The following PRKG1 variants were observed in gnomAD, a reference collection of about 807,000 sequenced individuals.
PRKG1 encodes the protein protein kinase cGMP-dependent 1.
Under a neutral mutation model 88.1 loss-of-function variants are expected in PRKG1, and 35 were observed. The observed-to-expected ratio is 0.40, with a 90% CI of 0.30 to 0.53. PRKG1 has a LOEUF of 0.53. Ranked by LOEUF, PRKG1 falls within the 20% of genes least tolerant of loss-of-function variation. The pLI, the probability that PRKG1 is intolerant of heterozygous loss-of-function variation, is 0.59. For synonymous variants in PRKG1, 303 were observed against 292.5 expected, an observed-to-expected ratio of 1.04 and a Z score of -0.37; for missense variants, 540 against 839.8, an observed-to-expected ratio of 0.64 and a Z score of 4.41.
chr10:51,238,567 A>C (rs1839062532), intron 2 of PRKG1, among the ~76,000 whole-genome samples: 1 of 143,334 alleles, frequency 7.0e-6, no homozygotes, highest in Admixed American at 6.9e-5. Flanking sequence ...TGGCAACAAG[A>C]GTGAGACTCT....
intron 2 of PRKG1, among the ~76,000 whole-genome samples, chr10:51,196,724 A>G (rs1383589322): frequency 6.6e-6 from 1 of 152,242 alleles, no homozygotes; most frequent in Non-Finnish European, 1.5e-5. Context: ...GGTGTGACTC[A>G]TAACACACTG....
At chr10:51,775,863 C>T (rs566940077) in intron 3 of PRKG1, among the ~76,000 whole-genome samples, 1 of 152,108 alleles carries the variant, frequency 6.6e-6, no homozygotes, top group Non-Finnish European at 1.5e-5. Flanking sequence ...GGATTACAGG[C>T]GTGAGCCACT....
intron 3 of PRKG1, among the ~76,000 whole-genome samples, chr10:51,784,915 T>C (rs1289149021): frequency 6.6e-6 from 1 of 152,136 alleles, no homozygotes; most frequent in Non-Finnish European, 1.5e-5. Flanking sequence ...GGAAAAAGGC[T>C]AATTTGTGAC....
At chr10:51,616,028 T>C (rs1345110064) in intron 3 of PRKG1, among the ~76,000 whole-genome samples, 1 of 152,212 alleles carries the variant, frequency 6.6e-6, no homozygotes, top group Non-Finnish European at 1.5e-5. Flanking sequence ...GCTTTGATTC[T>C]GGGTGCATGC....
intron 1 of PRKG1, among the ~76,000 whole-genome samples, chr10:51,133,813 T>A (rs1346640537): frequency 6.6e-6 from 1 of 152,196 alleles, no homozygotes; most frequent in Non-Finnish European, 1.5e-5. Flanking sequence ...TGCATAAATG[T>A]GTAGATGTGT....
intron 9 of PRKG1, among the ~76,000 whole-genome samples, chr10:52,241,650 C>T (rs1589727470): frequency 6.6e-6 from 1 of 152,030 alleles, no homozygotes; most frequent in Non-Finnish European, 1.5e-5. Flanking sequence ...TTCAGAAGAT[C>T]GCTGCTAGTA....
rs183105614 is a variant in PRKG1, at chr10:51,907,081, C to A, written c.699-426C>A. 2.8e-3 allele frequency among the ~76,000 whole-genome samples: 426 copies of A among 152,244 alleles called. 2 individuals are homozygous for A. Among genetic ancestry groups the A allele is most frequent in the Non-Finnish European group, 2.2e-3 (147 of 68,020 alleles). ...GCAGGAGGGTATAATGAGGCATGTC[C>A]AATCCCTTCCTTCCCATCATGGCCT... is the stretch of plus-strand genomic sequence containing the variant. On this transcript the variant is annotated intron_variant, in intron 4 of 17. Transcript: ENST00000373980.
intron 4 of PRKG1, among the ~76,000 whole-genome samples, chr10:51,807,377 G>A (rs547679703): frequency 6.6e-6 from 1 of 152,228 alleles, no homozygotes; most frequent in African/African-American, 2.4e-5. Context: ...GGTGGAAAGG[G>A]TACCATCCCT....
intron 3 of PRKG1, among the ~76,000 whole-genome samples, chr10:51,647,150 TA>T (rs10719185): frequency 0.46 from 61,190 of 132,036 alleles, 13,629 homozygotes; most frequent in East Asian, 0.74. Context: ...GAGATCAAGA[TA>T]AAAAAAAAAA....
At chr10:51,586,002 G>A (rs1367850692) in intron 3 of PRKG1, among the ~76,000 whole-genome samples, 1 of 152,060 alleles carries the variant, frequency 6.6e-6, no homozygotes, top group Non-Finnish European at 1.5e-5. Context: ...AGAGGACAAG[G>A]TTCAAAAGCT....
intron 9 of PRKG1, among the ~76,000 whole-genome samples, chr10:52,206,949 C>T (rs1839835329): frequency 6.6e-6 from 1 of 152,186 alleles, no homozygotes; most frequent in African/African-American, 2.4e-5. Context: ...TCAGCTTGGG[C>T]ACAATGGTGG....
At chr10:51,725,484 T>A (rs138569041) in intron 3 of PRKG1, among the ~76,000 whole-genome samples, 1 of 152,264 alleles carries the variant, frequency 6.6e-6, no homozygotes, top group African/African-American at 2.4e-5. Context: ...TCCACCAAAT[T>A]TGTGGCCTGT....
intron 3 of PRKG1, among the ~76,000 whole-genome samples, chr10:51,748,534 T>C (rs1318363420): frequency 6.6e-6 from 1 of 152,214 alleles, no homozygotes; most frequent in Non-Finnish European, 1.5e-5. Flanking sequence ...TTCTTCCTTT[T>C]GGTAGGGTAT....
chr10:51,437,953 A>G (rs540370433), intron 2 of PRKG1, among the ~76,000 whole-genome samples: 1 of 151,666 alleles, frequency 6.6e-6, no homozygotes, highest in Admixed American at 6.6e-5. Context: ...TTCAAAGGCT[A>G]AGAAATCTTG....
upstream of PRKG1, among the ~76,000 whole-genome samples, chr10:51,074,005 T>A (rs10995555): frequency 6.6e-6 from 1 of 151,310 alleles, no homozygotes; most frequent in East Asian, 2.0e-4. Flanking sequence ...GGATCGTAGC[T>A]CAACATTCTC....
intron 2 of PRKG1, among the ~76,000 whole-genome samples, chr10:51,184,592 C>T (rs904882359): frequency 4.6e-5 from 7 of 152,056 alleles, no homozygotes; most frequent in African/African-American, 1.7e-4. Flanking sequence ...TGTGGTGAAA[C>T]TAATGACTAA....
intron 9 of PRKG1, among the ~76,000 whole-genome samples, chr10:52,173,201 G>C (rs968252769): frequency 6.6e-6 from 1 of 152,284 alleles, no homozygotes; most frequent in Non-Finnish European, 1.5e-5. Context: ...AAATATTGCT[G>C]TTAAGGTGCT....
At chr10:51,660,480 C>T (rs772434232) in intron 3 of PRKG1, among the ~76,000 whole-genome samples, 4 of 151,824 alleles carry the variant, frequency 2.6e-5, no homozygotes, top group South Asian at 2.1e-4. Context: ...AAAGGTATCA[C>T]GGTATATTAA....
At chr10:51,180,205 G>A (rs771710110) in intron 2 of PRKG1, among the ~76,000 whole-genome samples, 5 of 152,140 alleles carry the variant, frequency 3.3e-5, no homozygotes, top group South Asian at 4.1e-4. Flanking sequence ...CTGAGGGTAC[G>A]TTTATGAGAG....
Sources: allele counts gnomAD v4.1 joint callset (sites outside exome capture counted in the v4.1 genomes callset), GRCh38; gene constraint gnomAD v4.1.1; transcripts MANE v1.5; gene names NCBI Gene and HGNC (gene_info 2026-07-23, HGNC 2026-07-21).